ACYP2: variants seen among roughly 807,000 people sequenced by gnomAD.
ACYP2 encodes the protein acylphosphatase 2, also known as acylphosphatase-2.
A neutral mutation model predicts 11.2 loss-of-function variants in ACYP2; 12 were observed. The ratio of observed to expected loss-of-function variants is 1.08; its 90% CI spans 0.69 to 1.74. The LOEUF is 1.74. Ranked by LOEUF, ACYP2 falls within the 40% of genes most tolerant of loss-of-function variation. The probability of loss-of-function intolerance (pLI) is 0.00; values close to 1 mark genes in which losing one functional copy is unlikely to be tolerated. For synonymous variants in ACYP2, 43 were observed against 32.2 expected, an observed-to-expected ratio of 1.33 and a Z score of -1.13; for missense variants, 134 against 101.9, an observed-to-expected ratio of 1.31 and a Z score of -1.35.
chr2:54,275,209 G>T (rs916916735), intron 6 of ACYP2, among the ~76,000 whole-genome samples: 13 of 152,196 alleles, frequency 8.5e-5, no homozygotes, highest in Admixed American at 3.9e-4. Context: ...ATTCAAGTTA[G>T]ATTTCATGTA....
At chr2:54,232,827 C>G (rs952843716) in intron 6 of ACYP2, among the ~76,000 whole-genome samples, 2 of 152,114 alleles carry the variant, frequency 1.3e-5, no homozygotes, top group Non-Finnish European at 2.9e-5. Flanking sequence ...ATCACAGGAA[C>G]AGCAAGGGGG....
At chr2:54,033,649 G>C (rs1674714668) in intron 2 of ACYP2, among the ~76,000 whole-genome samples, 1 of 152,218 alleles carries the variant, frequency 6.6e-6, no homozygotes, top group African/African-American at 2.4e-5. Flanking sequence ...GCCCCTGAAA[G>C]CTTTCAGGCA....
chr2:54,010,484 C>CAAA (rs11301218), intron 2 of ACYP2, among the ~76,000 whole-genome samples: 1 of 143,660 alleles, frequency 7.0e-6, no homozygotes. Context: ...AACTCTGTCT[C>CAAA]AAAAAAAAAA....
chr2:54,175,886 TG>T (rs1488624634), intron 6 of ACYP2, among the ~76,000 whole-genome samples: 1 of 151,978 alleles, frequency 6.6e-6, no homozygotes, highest in Admixed American at 6.6e-5. Context: ...TATTAGGGAG[TG>T]GGGCCTTTTG....
At chr2:54,208,205 AAC>A (rs1685161718) in intron 6 of ACYP2, among the ~76,000 whole-genome samples, 1 of 152,050 alleles carries the variant, frequency 6.6e-6, no homozygotes, top group African/African-American at 2.4e-5. Context: ...AAAAAAAAAA[AAC>A]TTTTTATTTC....
intron 4 of ACYP2, 68 bp from the exon 2 acceptor site, chr2:54,135,385 A>G (rs1218952107): frequency 1.4e-5 from 21 of 1,486,290 alleles, no homozygotes; most frequent in Non-Finnish European, 1.9e-5. Flanking sequence ...ATAAAAGTTA[A>G]GTCAGGAAAC....
intron 6 of ACYP2, among the ~76,000 whole-genome samples, chr2:54,296,811 C>T (rs1312411354): frequency 6.6e-6 from 1 of 152,108 alleles, no homozygotes; most frequent in African/African-American, 2.4e-5. Context: ...ACAGAAGTTT[C>T]CAGTTTACAT....
chr2:54,094,323 G>A (rs1164836610), intron 4 of ACYP2, among the ~76,000 whole-genome samples: 1 of 151,804 alleles, frequency 6.6e-6, no homozygotes, highest in East Asian at 1.9e-4. Flanking sequence ...CGCCTCCCAG[G>A]TTCAAGCAAT....
At chr2:54,147,748 C>A (rs949031997) in intron 6 of ACYP2, among the ~76,000 whole-genome samples, 1 of 152,144 alleles carries the variant, frequency 6.6e-6, no homozygotes, top group African/African-American at 2.4e-5. Flanking sequence ...TGGTCTTCAA[C>A]TCCTGGCCTC....
At chr2:54,240,427 T>C (rs1338928454) in intron 6 of ACYP2, among the ~76,000 whole-genome samples, 1 of 152,148 alleles carries the variant, frequency 6.6e-6, no homozygotes, top group East Asian at 1.9e-4. Flanking sequence ...AAATAGCACA[T>C]CAGACCTTTG....
intron 4 of ACYP2, among the ~76,000 whole-genome samples, chr2:54,114,834 G>C (rs186472557): frequency 2.6e-5 from 4 of 152,320 alleles, no homozygotes; most frequent in African/African-American, 7.2e-5. Flanking sequence ...AATCCGTTTA[G>C]AATACGAGTT....
intron 6 of ACYP2, among the ~76,000 whole-genome samples, chr2:54,272,923 C>T (rs1041610093): frequency 6.6e-6 from 1 of 152,206 alleles, no homozygotes; most frequent in African/African-American, 2.4e-5. Context: ...GTGGAAGCTT[C>T]TATAAAGACT....
intron 6 of ACYP2, chr2:54,255,243 G>T: frequency 6.2e-7 from 1 of 1,614,228 alleles, no homozygotes; most frequent in East Asian, 2.2e-5. Flanking sequence ...TGTTTCTGAA[G>T]TAAGGGTTTC....
At chr2:54,134,041 T>G (rs1280944765) in intron 4 of ACYP2, among the ~76,000 whole-genome samples, 2 of 152,214 alleles carry the variant, frequency 1.3e-5, no homozygotes, top group African/African-American at 4.8e-5. Flanking sequence ...CCAATGATAC[T>G]TCCCAGCCTA....
chr2:54,135,983 C>A (rs185952602), intron 5 of ACYP2, among the ~76,000 whole-genome samples: 1 of 152,176 alleles, frequency 6.6e-6, no homozygotes, highest in Non-Finnish European at 1.5e-5. Context: ...CTGCAGCCTC[C>A]GCCTTCCAGG....
chr2:54,195,815 T>TTTTTTTTG (rs10669711), intron 6 of ACYP2, among the ~76,000 whole-genome samples: 6 of 146,046 alleles, frequency 4.1e-5, no homozygotes, highest in Non-Finnish European at 6.0e-5. Flanking sequence ...TTTTTTTTTT[T>TTTTTTTTG]GAGACAGAGT....
chr2:54,249,564 G>A (rs1307791093), intron 6 of ACYP2, among the ~76,000 whole-genome samples: 5 of 152,142 alleles, frequency 3.3e-5, no homozygotes, highest in Non-Finnish European at 7.4e-5. Flanking sequence ...CCAGAGGGAG[G>A]TCACAGAACC....
intron 4 of ACYP2, among the ~76,000 whole-genome samples, chr2:54,073,559 G>C (rs537605239): frequency 1.3e-5 from 2 of 152,240 alleles, no homozygotes; most frequent in Middle Eastern, 3.4e-3. Context: ...TAAAATTTTT[G>C]TGTTTCAAAA....
intron 1 of ACYP2, among the ~76,000 whole-genome samples, chr2:53,972,207 G>T (rs1671177631): frequency 6.6e-6 from 1 of 151,214 alleles, no homozygotes; most frequent in Admixed American, 6.6e-5. Context: ...CTACTCGGGA[G>T]GCTGAGGCAG....
Sources: allele counts gnomAD v4.1 joint callset (sites outside exome capture counted in the v4.1 genomes callset), GRCh38; gene constraint gnomAD v4.1.1; transcripts MANE v1.5; gene names NCBI Gene and HGNC (gene_info 2026-07-23, HGNC 2026-07-21).